GALNT13: variants seen among roughly 807,000 people sequenced by gnomAD.
GALNT13 encodes polypeptide N-acetylgalactosaminyltransferase 13.
GALNT13 carries 28 observed loss-of-function variants against 64.2 expected under a neutral mutation model. The ratio of observed to expected loss-of-function variants is 0.44; its 90% CI spans 0.32 to 0.60. The LOEUF (loss-of-function observed/expected upper bound fraction) is 0.60. Ranked by LOEUF, GALNT13 falls within the 20% of genes least tolerant of loss-of-function variation. The pLI, the probability that GALNT13 is intolerant of heterozygous loss-of-function variation, is 0.05. For missense variants in GALNT13, 577 were observed against 669.8 expected (o/e 0.86, Z 1.53); for synonymous variants, 214 against 224.6 (o/e 0.95, Z 0.42).
At chr2:153,110,130 A>T in the GALNT13 span, among the ~76,000 whole-genome samples, 10 of 152,230 alleles carry the variant, frequency 6.6e-5, no homozygotes, top group East Asian at 7.7e-4. Context: ...TTACTTTTTG[A>T]TGAAACTAAA....
the GALNT13 span, among the ~76,000 whole-genome samples, chr2:153,805,155 T>C: frequency 6.6e-6 from 1 of 151,636 alleles, no homozygotes; most frequent in Admixed American, 6.6e-5. Context: ...TGAAAAGGTT[T>C]GAGGAGGAAA....
chr2:153,806,970 A>G, the GALNT13 span, among the ~76,000 whole-genome samples: 3 of 152,110 alleles, frequency 2.0e-5, no homozygotes, highest in Admixed American at 2.0e-4. Context: ...TTAAGAGCAT[A>G]ATTACTTTAT....
At chr2:154,119,990 A>T (rs938848562) in intron 3 of GALNT13, among the ~76,000 whole-genome samples, 2 of 152,056 alleles carry the variant, frequency 1.3e-5, no homozygotes, top group East Asian at 1.9e-4. Flanking sequence ...TGACTCCCTA[A>T]TTCCTCATAA....
chr2:153,733,779 G>A, the GALNT13 span, among the ~76,000 whole-genome samples: 3 of 152,190 alleles, frequency 2.0e-5, no homozygotes, highest in South Asian at 2.1e-4. Context: ...CAGCAGGTGA[G>A]CATGTGGAGT....
chr2:154,149,006 C>A (rs951521356), intron 4 of GALNT13, among the ~76,000 whole-genome samples: 12 of 152,106 alleles, frequency 7.9e-5, no homozygotes, highest in African/African-American at 2.7e-4. Context: ...CCTGCCCATG[C>A]CTATGTGCTG....
At chr2:153,920,010 G>GTT (rs1365024760) in intron 2 of GALNT13, among the ~76,000 whole-genome samples, 1 of 147,478 alleles carries the variant, frequency 6.8e-6, no homozygotes, top group Non-Finnish European at 1.5e-5. Flanking sequence ...ATATATAACA[G>GTT]TTATATATAT....
chr2:153,494,736 GA>G, the GALNT13 span, among the ~76,000 whole-genome samples: 4 of 151,898 alleles, frequency 2.6e-5, no homozygotes, highest in African/African-American at 9.6e-5. Flanking sequence ...AGTAATCCAA[GA>G]AAAAAATGGT....
chr2:153,472,587 C>A, the GALNT13 span, among the ~76,000 whole-genome samples: 2 of 152,126 alleles, frequency 1.3e-5, no homozygotes, highest in Non-Finnish European at 2.9e-5. Flanking sequence ...CTAATGGAAA[C>A]CAGTTTTAAA....
chr2:153,738,884 A>C, the GALNT13 span, among the ~76,000 whole-genome samples: 2 of 151,862 alleles, frequency 1.3e-5, no homozygotes, highest in Non-Finnish European at 2.9e-5. Context: ...TTTTATTATA[A>C]AAATGTCCAT....
chr2:153,851,896 C>CTAG, the GALNT13 span, among the ~76,000 whole-genome samples: 4 of 152,030 alleles, frequency 2.6e-5, no homozygotes, highest in African/African-American at 4.8e-5. Context: ...TATGACAAGA[C>CTAG]TAGTACAAAG....
At chr2:153,091,300 A>T in the GALNT13 span, among the ~76,000 whole-genome samples, 4 of 152,022 alleles carry the variant, frequency 2.6e-5, no homozygotes, top group African/African-American at 9.7e-5. Flanking sequence ...TTTGCAAGGC[A>T]CTTCCTGTTG....
chr2:154,172,222 TA>T (rs1179711160), intron 4 of GALNT13, among the ~76,000 whole-genome samples: 1 of 149,238 alleles, frequency 6.7e-6, no homozygotes, highest in Non-Finnish European at 1.5e-5. Flanking sequence ...GTACATGTGA[TA>T]ATTTAATACA....
chr2:153,862,710 G>A, the GALNT13 span, among the ~76,000 whole-genome samples: 6,892 of 151,726 alleles, frequency 0.045, 203 homozygotes, highest in East Asian at 0.12. Flanking sequence ...TACATATGAT[G>A]TATTTTATAG....
chr2:153,539,533 G>C, the GALNT13 span, among the ~76,000 whole-genome samples: 1 of 151,978 alleles, frequency 6.6e-6, no homozygotes, highest in South Asian at 2.1e-4. Context: ...TAGGTCTAAC[G>C]TTTAAGTCTT....
intron 3 of GALNT13, among the ~76,000 whole-genome samples, chr2:153,976,964 T>C (rs1694115181): frequency 6.6e-6 from 1 of 152,140 alleles, no homozygotes; most frequent in Non-Finnish European, 1.5e-5. Context: ...ATACCTCCTC[T>C]AATAATAGAG....
At position 154,284,003 on chromosome 2, in the gene GALNT13, CATA is replaced by C. The variant is rs1692114076; in HGVS notation, c.976-17401_976-17399del. The stretch of plus-strand genomic sequence containing the variant: ...TTTTTATGTTTATTTGTAATTAACA[CATA>C]ATAACTGTGTATATTTGTAAGATAC... On this transcript the variant is annotated intron_variant, in intron 8 of 12. Transcript: ENST00000392825. 2.6e-5 allele frequency among the ~76,000 whole-genome samples: 4 copies of C among 152,102 alleles called. No individual in the cohort carries two copies. The South Asian group carries it at 6.2e-4, about 24-fold the overall frequency.
chr2:153,555,251 G>A, the GALNT13 span, among the ~76,000 whole-genome samples: 1 of 96,878 alleles, frequency 1.0e-5, no homozygotes, highest in African/African-American at 4.3e-5. Context: ...CTGGAGTGCA[G>A]TGGCGCGATC....
intron 2 of GALNT13, among the ~76,000 whole-genome samples, chr2:153,940,836 A>G (rs574524660): frequency 5.9e-5 from 9 of 152,274 alleles, no homozygotes; most frequent in Admixed American, 5.9e-4. Flanking sequence ...TAGACTGAAA[A>G]CATTTGCTCC....
intron 3 of GALNT13, among the ~76,000 whole-genome samples, chr2:154,122,756 C>T (rs1682025417): frequency 6.6e-6 from 1 of 151,952 alleles, no homozygotes; most frequent in African/African-American, 2.4e-5. Flanking sequence ...CTTGTTCATA[C>T]TATTTCTTTA....
Sources: gnomAD v4.1 joint callset for allele counts (sites outside exome capture counted in the v4.1 genomes callset) on GRCh38, gnomAD v4.1.1 for gene constraint, MANE v1.5 for transcripts, NCBI Gene and HGNC (gene_info 2026-07-23, HGNC 2026-07-21) for gene names.